MYT1L: variants seen among roughly 807,000 people sequenced by gnomAD.
MYT1L encodes the protein myelin transcription factor 1-like protein.
In MYT1L, 12 loss-of-function variants were observed where a neutral mutation model predicts 126.7. The ratio of observed to expected loss-of-function variants is 0.09; its 90% confidence interval spans 0.06 to 0.15. The LOEUF is 0.15. MYT1L is among the 10% of genes least tolerant of loss of function. The probability of loss-of-function intolerance (pLI) is 1.00; values close to 1 mark genes in which losing one functional copy is unlikely to be tolerated. For missense variants in MYT1L, 979 were observed against 1,585.2 expected, an observed-to-expected ratio of 0.62 and a Z score of 6.49; for synonymous variants, 541 against 604.2, an observed-to-expected ratio of 0.90 and a Z score of 1.53.
At chr2:1,834,347 C>T (rs10432712) in intron 21 of MYT1L, among the ~76,000 whole-genome samples, 73,600 of 152,110 alleles carry the variant, frequency 0.48, 19,989 homozygotes, top group African/African-American at 0.74. Flanking sequence ...TCTAAGACTT[C>T]CTAATGAGTG....
intron 19 of MYT1L, among the ~76,000 whole-genome samples, chr2:1,844,168 C>G (rs1042723256): frequency 1.3e-5 from 2 of 152,136 alleles, no homozygotes; most frequent in African/African-American, 4.8e-5. Context: ...CACGCCGTAG[C>G]CCAGGGCCTC....
intron 2 of MYT1L, among the ~76,000 whole-genome samples, chr2:2,256,093 A>G (rs762400814): frequency 6.6e-6 from 1 of 152,178 alleles, no homozygotes; most frequent in Non-Finnish European, 1.5e-5. Context: ...CACCTCTGTA[A>G]CCATCTTCAC....
chr2:2,020,110 G>A (rs2064882614), intron 4 of MYT1L, among the ~76,000 whole-genome samples: 3 of 152,270 alleles, frequency 2.0e-5, no homozygotes, highest in South Asian at 4.1e-4. Flanking sequence ...CTCCCAAAGT[G>A]CTGAGATTAC....
Position 1,922,243 on chromosome 2 carries a change from C to A in MYT1L, c.1483+43G>T. ...CTACCACCAACATCCTTTACCCTAG[C>A]TCATGTTTTCATGAGGCAACTTACG... On this transcript the variant is annotated intron_variant, in intron 10 of 24. Transcript: ENST00000647738. The surrounding 1 kb of genome is among the most constrained non-coding windows in gnomAD (Gnocchi z 7.4). 6.3e-7 allele frequency: 1 copy of A among 1,594,184 alleles called. No individual in the cohort carries two copies. The highest frequency in any genetic ancestry group is 8.6e-7 in the Non-Finnish European group (1 of 1,168,844).
At chr2:2,268,500 C>T (rs565452849) in intron 2 of MYT1L, among the ~76,000 whole-genome samples, 2 of 152,102 alleles carry the variant, frequency 1.3e-5, no homozygotes, top group African/African-American at 4.8e-5. Flanking sequence ...ATTTCTTATC[C>T]TAAAAATAGT....
intron 8 of MYT1L, among the ~76,000 whole-genome samples, chr2:1,968,331 G>T (rs2059541918): frequency 6.6e-6 from 1 of 152,182 alleles, no homozygotes; most frequent in Non-Finnish European, 1.5e-5. Context: ...CGCAGGATTG[G>T]TCGAGGGAAT....
intron 4 of MYT1L, among the ~76,000 whole-genome samples, chr2:2,049,974 T>A (rs969363325): frequency 4.6e-5 from 7 of 151,666 alleles, no homozygotes; most frequent in African/African-American, 1.2e-4. Context: ...TATATATATA[T>A]AAATATGTAT....
intron 3 of MYT1L, among the ~76,000 whole-genome samples, chr2:2,061,107 TGGGTA>T (rs1165382438): frequency 1.3e-5 from 2 of 151,898 alleles, no homozygotes; most frequent in African/African-American, 4.8e-5. Flanking sequence ...ACTTAGAGAG[TGGGTA>T]CAGATAATTT....
At chr2:1,897,847 T>C (rs982301213) in intron 14 of MYT1L, among the ~76,000 whole-genome samples, 3 of 152,178 alleles carry the variant, frequency 2.0e-5, no homozygotes, top group Non-Finnish European at 4.4e-5. Context: ...AGAACATCAC[T>C]GTATGTTACG....
At chr2:2,186,241 C>T (rs1462554008) in intron 2 of MYT1L, among the ~76,000 whole-genome samples, 1 of 142,908 alleles carries the variant, frequency 7.0e-6, no homozygotes, top group Non-Finnish European at 1.5e-5. Flanking sequence ...GTGAGGGGGA[C>T]GCAGCCAGGC....
chr2:2,134,628 T>G (rs1284552153), intron 3 of MYT1L, among the ~76,000 whole-genome samples: 1 of 152,064 alleles, frequency 6.6e-6, no homozygotes, highest in Non-Finnish European at 1.5e-5. Flanking sequence ...CTCTACCACA[T>G]GAGGACACAG....
chr2:2,227,791 A>G (rs1283133224), intron 2 of MYT1L, among the ~76,000 whole-genome samples: 1 of 152,186 alleles, frequency 6.6e-6, no homozygotes. Context: ...CTTTTTAGAA[A>G]GGCCTTTTTC....
intron 2 of MYT1L, among the ~76,000 whole-genome samples, chr2:2,196,989 G>GT (rs1234106899): frequency 6.6e-6 from 1 of 152,042 alleles, no homozygotes; most frequent in East Asian, 1.9e-4. Context: ...CAAAAAGGTT[G>GT]AAGATAAAAA....
At chr2:2,160,309 G>T (rs1272427750) in intron 3 of MYT1L, among the ~76,000 whole-genome samples, 2 of 152,106 alleles carry the variant, frequency 1.3e-5, no homozygotes, top group Non-Finnish European at 2.9e-5. Flanking sequence ...CATTGGAAGA[G>T]AAAAAATACT....
At chr2:2,216,201 A>T (rs552332053) in intron 2 of MYT1L, among the ~76,000 whole-genome samples, 13 of 152,296 alleles carry the variant, frequency 8.5e-5, no homozygotes, top group African/African-American at 2.9e-4. Context: ...ACCCAGTCTC[A>T]GGTATTTCTT....
At chr2:1,798,506 T>C (rs2034245513) in intron 23 of MYT1L, among the ~76,000 whole-genome samples, 1 of 152,206 alleles carries the variant, frequency 6.6e-6, no homozygotes, top group African/African-American at 2.4e-5. Flanking sequence ...TGGCTTGGGC[T>C]TGGGACAGGC....
At chr2:2,227,750 A>G (rs891255908) in intron 2 of MYT1L, among the ~76,000 whole-genome samples, 1 of 152,196 alleles carries the variant, frequency 6.6e-6, no homozygotes, top group East Asian at 1.9e-4. Context: ...TCATGATGAT[A>G]CCCATGAAGT....
chr2:2,232,682 C>T (rs1310255053), intron 2 of MYT1L, among the ~76,000 whole-genome samples: 4 of 152,152 alleles, frequency 2.6e-5, no homozygotes, highest in African/African-American at 4.8e-5. Flanking sequence ...CTGGGAGCTA[C>T]GATAGGCTTT....
At chr2:2,154,309 T>A (rs999984244) in intron 3 of MYT1L, among the ~76,000 whole-genome samples, 5 of 152,136 alleles carry the variant, frequency 3.3e-5, no homozygotes, top group Non-Finnish European at 7.3e-5. Flanking sequence ...GAAGATTTAT[T>A]AACTCAATAG....
Sources: allele counts gnomAD v4.1 joint callset (sites outside exome capture counted in the v4.1 genomes callset), GRCh38; gene constraint gnomAD v4.1.1; non-coding constraint Gnocchi (gnomAD v3.1); transcripts MANE v1.5; gene names NCBI Gene and HGNC (gene_info 2026-07-23, HGNC 2026-07-21).